Variants in MTMR9 observed in about 807,000 individuals in gnomAD.
The protein encoded by MTMR9 is myotubularin-related protein 9.
Under a neutral mutation model 69.5 loss-of-function variants are expected in MTMR9, and 39 were observed. The ratio of observed to expected loss-of-function variants is 0.56; its 90% CI spans 0.43 to 0.73. MTMR9 has a LOEUF of 0.73. Among genes scored for constraint, MTMR9 ranks in the 30% least tolerant of loss-of-function variants. The pLI is 0.00. For missense variants in MTMR9, 900 were observed against 671.2 expected (o/e 1.34, Z -3.77); for synonymous variants, 354 against 240.8 (o/e 1.47, Z -4.35).
chr8:11,330,914 TAAAAAA>T, downstream of MTMR9: 1 of 880,132 alleles, frequency 1.1e-6, no homozygotes. Flanking sequence ...AATGATCAAT[TAAAAAA>T]AAAAAAAAGA....
intron 7 of MTMR9, 36 bp downstream of exon 7, chr8:11,315,100 TA>T (rs1800361442): frequency 1.9e-6 from 3 of 1,599,572 alleles, no homozygotes; most frequent in Middle Eastern, 1.8e-4. Flanking sequence ...AGGAACTGCT[TA>T]TTGATGCTGT....
chr8:11,312,388 C>G (rs886368378), intron 6 of MTMR9, among the ~76,000 whole-genome samples: 2 of 152,082 alleles, frequency 1.3e-5, no homozygotes, highest in Non-Finnish European at 2.9e-5. Flanking sequence ...CCTCTGTCAC[C>G]CAAGCTGGAG....
intron 3 of MTMR9, among the ~76,000 whole-genome samples, chr8:11,302,482 A>C (rs1799785472): frequency 6.6e-6 from 1 of 152,190 alleles, no homozygotes; most frequent in Non-Finnish European, 1.5e-5. Context: ...CCACAAAGTT[A>C]AAAGACAAAT....
intron 1 of MTMR9, 86 bp downstream of exon 1, chr8:11,285,156 C>T (rs1037643451): frequency 9.8e-6 from 13 of 1,329,464 alleles, no homozygotes; most frequent in African/African-American, 8.9e-5. Context: ...GTTTTCCGCG[C>T]AGCCTGCCGC....
intron 1 of MTMR9, among the ~76,000 whole-genome samples, chr8:11,293,232 G>C (rs898915543): frequency 6.6e-6 from 1 of 152,068 alleles, no homozygotes; most frequent in Non-Finnish European, 1.5e-5. Context: ...TAACAAGAAA[G>C]TTTACCAACA....
At chr8:11,331,149 C>G, downstream of MTMR9, 6 of 1,610,880 alleles carry the variant, frequency 3.7e-6, no homozygotes, top group Non-Finnish European at 5.1e-6. Flanking sequence ...TGACTCCACA[C>G]ACCCATCGCC....
chr8:11,284,912 G>C lies in MTMR9; in HGVS notation c.24G>C (p.Lys8Asn). ...GCATGGAGTTTGCGGAGCTGATTAA[G>C]ACCCCGCGGGTGGACAATGTGGTGC... MEFAELI[K>N]TPRVDNVVLH... The change falls in exon 1 of 10, where the codon AAG (lysine) becomes AAC (asparagine). Residue 8 changes from lysine (K) to asparagine (N), a missense_variant. By Grantham distance (94) the Lys-to-Asn change is moderately conservative (BLOSUM62 0). Transcript: ENST00000221086. 1.2e-6 allele frequency: 2 copies of C among 1,611,174 alleles called. No individual in the cohort carries two copies. Among genetic ancestry groups the C allele is most frequent in the Non-Finnish European group, 1.7e-6 (2 of 1,178,780 alleles).
Position 11,326,221 on chromosome 8 carries a change from T to G in MTMR9, c.*3433T>G, listed in dbSNP as rs1432497547. ...GTTGTCTGGTTTCAGGGATAGCTGT[T>G]TGAATTGTCATTCTAAAGTAGGTCA... On this transcript the variant is annotated 3_prime_UTR_variant, in exon 10 of 10. Coordinates refer to ENST00000221086, the MANE Select transcript of MTMR9 (RefSeq NM_015458.4). 6.6e-6 allele frequency: 1 copy of G among 151,664 alleles called. No homozygotes were observed. The highest frequency in any genetic ancestry group is 2.4e-5 in the African/African-American group (1 of 41,428). The allele number at this position is 151,664 out of a possible 1,614,324, so 9.4% of individuals were successfully genotyped here.
chr8:11,337,470 C>T, the MTMR9 span, among the ~76,000 whole-genome samples: 1 of 152,184 alleles, frequency 6.6e-6, no homozygotes, highest in African/African-American at 2.4e-5. Context: ...TTCCTCTACC[C>T]TCTGCCTTGC....
At chr8:11,321,583 A>T in intron 9 of MTMR9, 1 of 448,912 alleles carries the variant, frequency 2.2e-6, no homozygotes, top group Non-Finnish European at 4.5e-6. Flanking sequence ...TGTGTGTTTC[A>T]TGCTCCTCAA....
chr8:11,287,239 C>T (rs888281983), intron 1 of MTMR9, among the ~76,000 whole-genome samples: 4 of 152,196 alleles, frequency 2.6e-5, no homozygotes, highest in African/African-American at 9.7e-5. Flanking sequence ...GGTCAGATGC[C>T]GTTGAATACA....
chr8:11,295,209 G>T lies in MTMR9; in HGVS notation c.198G>T (p.Leu66=), dbSNP rs138592474. 4.4e-6 allele frequency: 7 copies of T among 1,602,434 alleles called. No individual in the cohort carries two copies. Among genetic ancestry groups the T allele is most frequent in the Non-Finnish European group, 6.0e-6 (7 of 1,170,808 alleles). Residue 66 remains leucine, a synonymous_variant, in exon 2 of 10, where the codon CTG becomes CTT. Transcript: ENST00000221086. ...DAIDKRFVGS[L]GTIIIKCKDF... ...TTTCTTACAGATTTGTAGGATCACT[G>T]GGTACCATCATCATAAAATGTAAAG...
chr8:11,336,711 C>G, the MTMR9 span, among the ~76,000 whole-genome samples: 1 of 152,046 alleles, frequency 6.6e-6, no homozygotes, highest in Non-Finnish European at 1.5e-5. Context: ...CTCTGTGTGC[C>G]GGTCATAAGG....
intron 1 of MTMR9, among the ~76,000 whole-genome samples, chr8:11,285,558 C>T (rs555083312): frequency 6.6e-6 from 1 of 152,114 alleles, no homozygotes; most frequent in Non-Finnish European, 1.5e-5. Flanking sequence ...CATATTATTT[C>T]TTACCTTCTG....
At chr8:11,305,080 G>A in intron 4 of MTMR9, 66 bp downstream of exon 4, 1 of 1,492,952 alleles carries the variant, frequency 6.7e-7, no homozygotes, top group Non-Finnish European at 9.2e-7. Flanking sequence ...TCGTAGAAAT[G>A]TTCCCTTTTG....
chr8:11,319,984 T>G (rs1417150952), intron 9 of MTMR9, 146 bp downstream of exon 9: 11 of 683,056 alleles, frequency 1.6e-5, no homozygotes, highest in Non-Finnish European at 2.2e-5. Flanking sequence ...TGTGGGCATG[T>G]TTTTCTCTTT....
chr8:11,300,581 G>C (rs1412960735), intron 3 of MTMR9: 1 of 150,952 alleles, frequency 6.6e-6, no homozygotes, highest in Admixed American at 6.6e-5. Context: ...AATTTAAGAA[G>C]CTAGAAAAAA....
chr8:11,296,421 C>T (rs1253855376), intron 2 of MTMR9, among the ~76,000 whole-genome samples: 1 of 152,082 alleles, frequency 6.6e-6, no homozygotes, highest in African/African-American at 2.4e-5. Flanking sequence ...AAACACTTAA[C>T]CGTTTTTAAG....
chr8:11,334,111 A>G, the MTMR9 span, among the ~76,000 whole-genome samples: 7 of 152,206 alleles, frequency 4.6e-5, no homozygotes, highest in Non-Finnish European at 8.8e-5. Context: ...TGCTGGCACC[A>G]TGCTCTTGGA....
Sources: allele counts gnomAD v4.1 joint callset (sites outside exome capture counted in the v4.1 genomes callset), GRCh38; gene constraint gnomAD v4.1.1; transcripts MANE v1.5; gene names NCBI Gene and HGNC (gene_info 2026-07-23, HGNC 2026-07-21).